Variants in CSMD1 observed in about 807,000 individuals in gnomAD.
The protein encoded by CSMD1 is CUB and sushi domain-containing protein 1.
In CSMD1, 213 loss-of-function variants were observed where a neutral mutation model predicts 417.5. That is an observed-to-expected ratio of 0.51 (90% CI 0.46 to 0.57). CSMD1 has a LOEUF of 0.57. Ranked by LOEUF, CSMD1 falls within the 20% of genes least tolerant of loss-of-function variation. CSMD1 has a pLI of 0.00. For missense variants in CSMD1, 6,923 were observed against 4,529.7 expected (o/e 1.53, Z -15.17); for synonymous variants, 2,862 against 1,736.8 (o/e 1.65, Z -16.11).
chr8:4,887,999 A>G (rs1445017381), intron 1 of CSMD1, among the ~76,000 whole-genome samples: 1 of 152,102 alleles, frequency 6.6e-6, no homozygotes. Context: ...ATAGGCTTAC[A>G]TGCCTCTCTC....
chr8:3,893,104 C>G (rs1807096311), intron 5 of CSMD1, among the ~76,000 whole-genome samples: 1 of 151,514 alleles, frequency 6.6e-6, no homozygotes, highest in Non-Finnish European at 1.5e-5. Context: ...ATTATCTCTG[C>G]AAAAAACATG....
At chr8:2,987,994 G>A (rs1248081409) in intron 54 of CSMD1, among the ~76,000 whole-genome samples, 1 of 152,096 alleles carries the variant, frequency 6.6e-6, no homozygotes, top group Non-Finnish European at 1.5e-5. Flanking sequence ...CCATCACCTA[G>A]GTATTAAGCC....
intron 3 of CSMD1, among the ~76,000 whole-genome samples, chr8:4,365,552 A>G (rs541564456): frequency 1.3e-5 from 2 of 152,206 alleles, no homozygotes; most frequent in Non-Finnish European, 2.9e-5. Context: ...ACAGTTACTT[A>G]TGATTGTGCC....
intron 2 of CSMD1, among the ~76,000 whole-genome samples, chr8:4,518,153 T>A (rs1419899646): frequency 6.6e-6 from 1 of 152,148 alleles, no homozygotes; most frequent in Non-Finnish European, 1.5e-5. Context: ...TAACTTGCCA[T>A]AAGACAAGAA....
intron 3 of CSMD1, among the ~76,000 whole-genome samples, chr8:4,121,197 C>T (rs1403171820): frequency 6.6e-6 from 1 of 152,052 alleles, no homozygotes; most frequent in East Asian, 1.9e-4. Flanking sequence ...TCACAGCAAC[C>T]TCTGCCTCTC....
intron 7 of CSMD1, among the ~76,000 whole-genome samples, chr8:3,658,935 G>C (rs547398099): frequency 6.6e-6 from 1 of 152,170 alleles, no homozygotes; most frequent in East Asian, 1.9e-4. Flanking sequence ...ACCAAATAAT[G>C]CATATTTAAA....
intron 2 of CSMD1, among the ~76,000 whole-genome samples, chr8:4,555,339 A>G (rs1303063704): frequency 2.0e-5 from 3 of 152,018 alleles, no homozygotes; most frequent in Non-Finnish European, 4.4e-5. Flanking sequence ...AAACAAATGG[A>G]CCTGGCAATG....
At chr8:4,951,228 A>G (rs1302197453) in intron 1 of CSMD1, among the ~76,000 whole-genome samples, 1 of 152,084 alleles carries the variant, frequency 6.6e-6, no homozygotes, top group Non-Finnish European at 1.5e-5. Context: ...TTAATCCACA[A>G]AGAAACTGTC....
chr8:4,030,549 G>C (rs191239143), intron 4 of CSMD1, among the ~76,000 whole-genome samples: 9 of 152,130 alleles, frequency 5.9e-5, no homozygotes, highest in African/African-American at 2.2e-4. Context: ...GGGGACCCTT[G>C]GCCCGGCCCT....
At chr8:3,922,870 G>T (rs890418901) in intron 5 of CSMD1, among the ~76,000 whole-genome samples, 1 of 152,046 alleles carries the variant, frequency 6.6e-6, no homozygotes, top group Admixed American at 6.6e-5. Flanking sequence ...ATATGTGGAG[G>T]AAAAGTTAAA....
At chr8:4,330,950 A>G (rs575590738) in intron 3 of CSMD1, among the ~76,000 whole-genome samples, 3 of 152,160 alleles carry the variant, frequency 2.0e-5, no homozygotes, top group Middle Eastern at 3.4e-3. Context: ...GTTCATTTTT[A>G]TAACTAAATG....
intron 51 of CSMD1, among the ~76,000 whole-genome samples, chr8:3,019,543 G>C (rs1014987414): frequency 3.9e-5 from 6 of 152,054 alleles, no homozygotes; most frequent in Admixed American, 2.6e-4. Flanking sequence ...TAATTTGTTG[G>C]GCTCATGAGC....
chr8:4,860,816 G>T (rs1464092833), intron 1 of CSMD1, among the ~76,000 whole-genome samples: 3 of 152,014 alleles, frequency 2.0e-5, no homozygotes, highest in African/African-American at 7.3e-5. Context: ...GTAATCATTT[G>T]CAGTGTCCCC....
chr8:4,640,177 G>C (rs1157846638), intron 1 of CSMD1, among the ~76,000 whole-genome samples: 2 of 152,230 alleles, frequency 1.3e-5, no homozygotes, highest in African/African-American at 4.8e-5. Context: ...AATGAGTACA[G>C]TGCATGTTGC....
intron 6 of CSMD1, among the ~76,000 whole-genome samples, chr8:3,739,265 C>A (rs1563327901): frequency 2.0e-5 from 3 of 152,194 alleles, no homozygotes; most frequent in Non-Finnish European, 1.5e-5. Context: ...AAACTTCTGA[C>A]AAAGCTGTAG....
chr8:3,294,470 C>G (rs1484715404), intron 25 of CSMD1, among the ~76,000 whole-genome samples: 1 of 152,214 alleles, frequency 6.6e-6, no homozygotes, highest in Non-Finnish European at 1.5e-5. Context: ...GTGGGCTCCA[C>G]CCAGTTCAAG....
intron 9 of CSMD1, among the ~76,000 whole-genome samples, chr8:3,585,128 C>T (rs1800543568): frequency 1.3e-5 from 2 of 152,074 alleles, no homozygotes; most frequent in African/African-American, 2.4e-5. Flanking sequence ...GTGACTGACC[C>T]CTAGTGGTTA....
At chr8:4,273,518 G>GCAAATAAT (rs1804731038) in intron 3 of CSMD1, among the ~76,000 whole-genome samples, 1 of 152,108 alleles carries the variant, frequency 6.6e-6, no homozygotes, top group Admixed American at 6.6e-5. Context: ...AATAAGAATA[G>GCAAATAAT]AGGACATTCT....
At chr8:3,023,584 G>A (rs1196753577) in intron 51 of CSMD1, among the ~76,000 whole-genome samples, 3 of 152,056 alleles carry the variant, frequency 2.0e-5, no homozygotes, top group African/African-American at 7.2e-5. Context: ...TTCATTCATG[G>A]AGACCTGAGT....
Sources: gnomAD v4.1 joint callset for allele counts (sites outside exome capture counted in the v4.1 genomes callset) on GRCh38, gnomAD v4.1.1 for gene constraint, MANE v1.5 for transcripts, NCBI Gene and HGNC (gene_info 2026-07-23, HGNC 2026-07-21) for gene names.